The following SGCZ variants were observed in gnomAD, a reference collection of about 807,000 sequenced individuals.
SGCZ encodes zeta-sarcoglycan.
Under a neutral mutation model 41.3 loss-of-function variants are expected in SGCZ, and 40 were observed. The ratio of observed to expected loss-of-function variants is 0.97; its 90% CI spans 0.75 to 1.26. The LOEUF (loss-of-function observed/expected upper bound fraction) is 1.26, where lower values mean the gene tolerates loss of function less well. Ranked by LOEUF, SGCZ falls within the 50% of genes most tolerant of loss-of-function variation. The pLI, the probability that SGCZ is intolerant of heterozygous loss-of-function variation, is 0.00. For synonymous variants in SGCZ, 206 were observed against 137.5 expected (o/e 1.50, Z -3.49); for missense variants, 552 against 369.8 (o/e 1.49, Z -4.04).
intron 1 of SGCZ, among the ~76,000 whole-genome samples, chr8:15,160,166 G>A (rs1468176268): frequency 2.0e-5 from 3 of 151,970 alleles, no homozygotes; most frequent in African/African-American, 7.3e-5. Flanking sequence ...CTTTTAAACT[G>A]TCTCTGTGAA....
chr8:14,508,680 T>C (rs1585610320), intron 2 of SGCZ, among the ~76,000 whole-genome samples: 1 of 152,204 alleles, frequency 6.6e-6, no homozygotes, highest in East Asian at 1.9e-4. Flanking sequence ...TGAAATAAAG[T>C]ATCTGTCTAG....
intron 4 of SGCZ, among the ~76,000 whole-genome samples, chr8:14,200,715 TAA>T (rs1255751915): frequency 6.6e-6 from 1 of 152,126 alleles, no homozygotes; most frequent in Non-Finnish European, 1.5e-5. Context: ...GAGCATAGAA[TAA>T]AGTCTTTGTG....
rs375935379 is a variant in SGCZ at position 15,057,740 on chromosome 8, G to T, written c.39+179845C>A. 1.1e-4 allele frequency among the ~76,000 whole-genome samples: 17 copies of T among 152,278 alleles called. No individual in the cohort carries two copies. In the East Asian group the frequency reaches 2.9e-3, roughly 26 times the overall value. ...CCCAATTCTTCCAAGAATTAGCTGT[G>T]CTCCCTGGGCCTCAGTTTTTTCACT... On this transcript the variant is annotated intron_variant, in intron 1 of 7. Coordinates refer to ENST00000382080, the MANE Select transcript of SGCZ (RefSeq NM_139167.4).
At chr8:14,870,542 T>A (rs574251499) in intron 1 of SGCZ, among the ~76,000 whole-genome samples, 2 of 152,206 alleles carry the variant, frequency 1.3e-5, no homozygotes, top group South Asian at 4.1e-4. Context: ...ACTTCATGAC[T>A]GAAACACCAA....
At chr8:14,678,938 A>G (rs990850416) in intron 1 of SGCZ, among the ~76,000 whole-genome samples, 1 of 152,186 alleles carries the variant, frequency 6.6e-6, no homozygotes, top group Non-Finnish European at 1.5e-5. Context: ...TGAAAAGCCT[A>G]CATACTGTAA....
intron 1 of SGCZ, among the ~76,000 whole-genome samples, chr8:14,603,192 G>C (rs958473880): frequency 6.6e-6 from 1 of 152,074 alleles, no homozygotes; most frequent in Non-Finnish European, 1.5e-5. Flanking sequence ...ACTAGCTTTG[G>C]AAATAAACGG....
At chr8:14,523,306 C>A (rs1802844813) in intron 2 of SGCZ, among the ~76,000 whole-genome samples, 1 of 151,840 alleles carries the variant, frequency 6.6e-6, no homozygotes, top group Admixed American at 6.6e-5. Context: ...TATTTTATTT[C>A]TACTTAGAGA....
At chr8:15,124,938 G>T (rs947670066) in intron 1 of SGCZ, among the ~76,000 whole-genome samples, 2 of 151,920 alleles carry the variant, frequency 1.3e-5, no homozygotes, top group Non-Finnish European at 2.9e-5. Flanking sequence ...ATACATTATG[G>T]CTATGAATTA....
chr8:15,066,275 T>C (rs868708106), intron 1 of SGCZ, among the ~76,000 whole-genome samples: 1 of 142,368 alleles, frequency 7.0e-6, no homozygotes, highest in African/African-American at 2.7e-5. Context: ...GCCACTGCAG[T>C]CCGCAGTCCG....
chr8:15,113,392 T>G (rs1157018669), intron 1 of SGCZ, among the ~76,000 whole-genome samples: 1 of 152,162 alleles, frequency 6.6e-6, no homozygotes, highest in Non-Finnish European at 1.5e-5. Context: ...CCAGATTTTC[T>G]CTTACAAGTC....
At chr8:15,020,343 A>G (rs1298127908) in intron 1 of SGCZ, among the ~76,000 whole-genome samples, 1 of 152,182 alleles carries the variant, frequency 6.6e-6, no homozygotes, top group African/African-American at 2.4e-5. Flanking sequence ...GTAATTGAAG[A>G]CATCTGTCCT....
intron 1 of SGCZ, among the ~76,000 whole-genome samples, chr8:14,797,594 G>A (rs4831310): frequency 0.32 from 48,868 of 152,152 alleles, 9,523 homozygotes; most frequent in East Asian, 0.49. Context: ...TTTTCTGGGA[G>A]AGAAATTCAA....
intron 1 of SGCZ, among the ~76,000 whole-genome samples, chr8:14,919,871 TCACGC>T (rs1333917021): frequency 6.6e-6 from 1 of 152,136 alleles, no homozygotes; most frequent in Non-Finnish European, 1.5e-5. Context: ...TGAGCCAAGA[TCACGC>T]CACTGCACTC....
intron 1 of SGCZ, among the ~76,000 whole-genome samples, chr8:14,594,824 G>C (rs373139561): frequency 6.6e-6 from 1 of 151,734 alleles, no homozygotes; most frequent in African/African-American, 2.4e-5. Flanking sequence ...ATGTTATGAC[G>C]TAAGACGTTT....
rs190657043 is a variant in SGCZ, at chr8:14,361,936, G to A, written c.235-37732C>T. 1.1e-4 allele frequency among the ~76,000 whole-genome samples: 16 copies of A among 152,258 alleles called. No homozygotes were observed. The East Asian group carries it at 2.7e-3, about 26-fold the overall frequency. On this transcript the variant is annotated intron_variant, in intron 2 of 7. Coordinates refer to ENST00000382080, the MANE Select transcript of SGCZ (RefSeq NM_139167.4). ...TGTTACTTTTCCTTCTAACAGACAG[G>A]CCCCTCAGCTGCAGGTCTGCTGGAG...
chr8:14,282,847 CTTTTTTT>C (rs1168778028), intron 3 of SGCZ, among the ~76,000 whole-genome samples: 111 of 89,918 alleles, frequency 1.2e-3, no homozygotes, highest in African/African-American at 4.8e-3. Context: ...CTTTCAAATA[CTTTTTTT>C]TTTTTTTTTT....
chr8:15,214,493 C>A (rs1448066374), intron 1 of SGCZ, among the ~76,000 whole-genome samples: 1 of 152,004 alleles, frequency 6.6e-6, no homozygotes, highest in Non-Finnish European at 1.5e-5. Flanking sequence ...GCATATAAAT[C>A]ACTTATATAA....
chr8:14,240,415 T>TTTTA (rs1798835940), intron 3 of SGCZ, among the ~76,000 whole-genome samples: 1 of 151,946 alleles, frequency 6.6e-6, no homozygotes, highest in Admixed American at 6.6e-5. Context: ...AGCAATCTCC[T>TTTTA]TTTACTCTAA....
intron 1 of SGCZ, among the ~76,000 whole-genome samples, chr8:15,085,455 C>T (rs566711251): frequency 1.4e-4 from 21 of 152,212 alleles, no homozygotes; most frequent in African/African-American, 4.3e-4. Flanking sequence ...AGCCTTCTTT[C>T]CAGGTTCCAA....
Sources: allele counts gnomAD v4.1 joint callset (sites outside exome capture counted in the v4.1 genomes callset), GRCh38; gene constraint gnomAD v4.1.1; transcripts MANE v1.5; gene names NCBI Gene and HGNC (gene_info 2026-07-23, HGNC 2026-07-21).